LOC128125817: variants seen among roughly 807,000 people sequenced by gnomAD.
the LOC128125817 span, among the ~76,000 whole-genome samples, chr1:41,613,097 G>T: frequency 2.3e-3 from 346 of 152,366 alleles, 1 homozygote; most frequent in South Asian, 5.4e-3. Context: ...CACTGGGCGC[G>T]GAGTCAGCCG....
At chr1:41,585,491 T>C in the LOC128125817 span, among the ~76,000 whole-genome samples, 139,660 of 152,094 alleles carry the variant, frequency 0.92, 64,864 homozygotes, top group Middle Eastern at 0.99. Flanking sequence ...GCTCCACATG[T>C]CCAAGCCCTG....
chr1:41,619,224 AC>A, the LOC128125817 span, among the ~76,000 whole-genome samples: 3 of 150,568 alleles, frequency 2.0e-5, no homozygotes, highest in Admixed American at 6.6e-5. Context: ...CTTTTCTGAT[AC>A]CCCCAGCACT....
the LOC128125817 span, among the ~76,000 whole-genome samples, chr1:41,588,095 C>T: frequency 6.6e-6 from 1 of 152,146 alleles, no homozygotes; most frequent in South Asian, 2.1e-4. Flanking sequence ...TAAGCTAAGG[C>T]GGGCAGAAGT....
At chr1:41,601,869 G>A in the LOC128125817 span, among the ~76,000 whole-genome samples, 14 of 152,204 alleles carry the variant, frequency 9.2e-5, no homozygotes, top group African/African-American at 2.6e-4. Context: ...TATAGTATTA[G>A]CTGTAAGCTT....
At chr1:41,628,716 C>A in the LOC128125817 span, 3 of 1,225,252 alleles carry the variant, frequency 2.4e-6, no homozygotes, top group Non-Finnish European at 3.1e-6. Context: ...TGGCGCCTGG[C>A]AAGCATATTC....
the LOC128125817 span, among the ~76,000 whole-genome samples, chr1:41,613,362 T>C: frequency 4.6e-5 from 7 of 152,244 alleles, no homozygotes; most frequent in African/African-American, 1.7e-4. Flanking sequence ...CATTTTATAT[T>C]GTATTCCCTC....
chr1:41,604,246 A>G, the LOC128125817 span, among the ~76,000 whole-genome samples: 1 of 152,270 alleles, frequency 6.6e-6, no homozygotes, highest in Non-Finnish European at 1.5e-5. Context: ...AGATCTATTC[A>G]TGATAGCCAA....
At chr1:41,590,953 G>A in the LOC128125817 span, among the ~76,000 whole-genome samples, 25 of 152,144 alleles carry the variant, frequency 1.6e-4, no homozygotes, top group Admixed American at 1.6e-3. Flanking sequence ...ACCCCTCTAA[G>A]CCTTAGTCTC....
the LOC128125817 span, among the ~76,000 whole-genome samples, chr1:41,587,480 G>A: frequency 2.0e-5 from 3 of 152,146 alleles, no homozygotes; most frequent in Admixed American, 1.3e-4. Flanking sequence ...AACAGTCATC[G>A]AGGAACAACA....
the LOC128125817 span, among the ~76,000 whole-genome samples, chr1:41,618,402 G>T: frequency 7.2e-5 from 11 of 152,346 alleles, no homozygotes; most frequent in Middle Eastern, 3.4e-3. Context: ...TGCAAAATGT[G>T]CTCGGGCCCT....
At chr1:41,624,371 G>A in the LOC128125817 span, among the ~76,000 whole-genome samples, 7 of 152,320 alleles carry the variant, frequency 4.6e-5, no homozygotes, top group African/African-American at 9.6e-5. Context: ...AAACGAGCAC[G>A]TACACACATT....
At chr1:41,614,196 A>G in the LOC128125817 span, among the ~76,000 whole-genome samples, 131,011 of 152,280 alleles carry the variant, frequency 0.86, 56,770 homozygotes, top group East Asian at 1. Flanking sequence ...AGAAACAGAT[A>G]GCACATGGGA....
chr1:41,602,697 AT>A, the LOC128125817 span, among the ~76,000 whole-genome samples: 73 of 151,768 alleles, frequency 4.8e-4, no homozygotes, highest in Non-Finnish European at 2.5e-4. Context: ...AGTTTCATTG[AT>A]TTTTTTCCTA....
At chr1:41,594,112 A>G in the LOC128125817 span, among the ~76,000 whole-genome samples, 2 of 152,228 alleles carry the variant, frequency 1.3e-5, no homozygotes, top group African/African-American at 4.8e-5. Flanking sequence ...TCTACAAATT[A>G]TCTTTTGCCA....
the LOC128125817 span, among the ~76,000 whole-genome samples, chr1:41,627,165 A>C: frequency 1.3e-5 from 2 of 152,218 alleles, no homozygotes; most frequent in East Asian, 3.9e-4. Flanking sequence ...GTGGTGGCCC[A>C]ACTGCCCACA....
the LOC128125817 span, among the ~76,000 whole-genome samples, chr1:41,586,288 C>T: frequency 2.6e-5 from 4 of 152,210 alleles, no homozygotes; most frequent in Admixed American, 6.5e-5. Context: ...CAGGGCCCTC[C>T]TCCCCAGGAA....
At chr1:41,627,188 G>T in the LOC128125817 span, among the ~76,000 whole-genome samples, 1 of 152,218 alleles carries the variant, frequency 6.6e-6, no homozygotes, top group African/African-American at 2.4e-5. Flanking sequence ...CGCCAGAAGG[G>T]TGACTCACGT....
At chr1:41,605,375 GCACACACACACACA>G in the LOC128125817 span, among the ~76,000 whole-genome samples, 2 of 126,622 alleles carry the variant, frequency 1.6e-5, no homozygotes, top group South Asian at 2.4e-4. Context: ...ACGCACACGC[GCACACACACACACA>G]CACACACACA....
chr1:41,587,996 C>A, the LOC128125817 span, among the ~76,000 whole-genome samples: 38 of 152,328 alleles, frequency 2.5e-4, no homozygotes, highest in Admixed American at 1.8e-3. Context: ...TATGTCCTAA[C>A]CACACTGCAG....
Sources: allele counts gnomAD v4.1 joint callset (sites outside exome capture counted in the v4.1 genomes callset), GRCh38; gene constraint gnomAD v4.1.1; transcripts MANE v1.5.